Variants in NPAP1 observed in about 807,000 individuals in gnomAD.
NPAP1 encodes the protein nuclear pore associated protein 1, also known as nuclear pore-associated protein 1.
For synonymous variants in NPAP1, 616 were observed against 581.4 expected (o/e 1.06, Z -0.86); for missense variants, 1,483 against 1,454.5 (o/e 1.02, Z -0.32).
chr15:24,678,059 G>A lies in NPAP1; in HGVS notation c.2192G>A (p.Gly731Glu), dbSNP rs766667871. The A allele has an allele frequency of 6.2e-7, 1 of 1,613,910 alleles. No individual in the cohort carries two copies. Among genetic ancestry groups the A allele is most frequent in the Non-Finnish European group, 8.5e-7 (1 of 1,180,010 alleles). ...TTTTACCTGGGGCTTCCTGGTTCTG[G>A]GAACACACAACCCAGCGGCAACACT... ...LPFYLGLPGSGNTQPSGNTAS... is the reference protein window; with the variant it reads ...LPFYLGLPGSENTQPSGNTAS... The change falls in exon 1 of 1, where the codon GGG (glycine) becomes GAG (glutamate). Residue 731 changes from glycine to glutamate, a missense_variant. By Grantham distance (98) the Gly-to-Glu change is moderately conservative. Coordinates refer to ENST00000329468, the MANE Select transcript of NPAP1 (RefSeq NM_018958.3).
chr15:24,676,849 A>G lies in NPAP1; in HGVS notation c.982A>G (p.Arg328Gly), dbSNP rs2141308944. Residue 328 changes from arginine to glycine, a missense_variant, in exon 1 of 1, where the codon AGG (arginine) becomes GGG (glycine). Arg to Gly is a moderately radical substitution (Grantham distance 125). Coordinates refer to ENST00000329468, the MANE Select transcript of NPAP1 (RefSeq NM_018958.3). ...AGCTGCCCGCAACAGGCCCTGCAAA[A>G]GGAAAATGTCGATTCCATTGCTGCT... is the stretch of plus-strand genomic sequence containing the variant. ...PRAARNRPCK[R>G]KMSIPLLLPL... 6.2e-7 allele frequency: 1 copy of G among 1,613,250 alleles called. No individual in the cohort carries two copies. The highest frequency in any genetic ancestry group is 8.5e-7 in the Non-Finnish European group (1 of 1,180,028).
In NPAP1 at chr15:24,676,804, A is replaced by C; in HGVS notation, c.937A>C (p.Arg313=). 1 of 1,613,202 alleles carries C rather than the reference A, an allele frequency of 6.2e-7. No homozygotes were observed. Among genetic ancestry groups the C allele is most frequent in the Non-Finnish European group, 8.5e-7 (1 of 1,179,990 alleles). The change falls in exon 1 of 1, where the codon AGG becomes CGG. Residue 313 remains arginine, a synonymous_variant. Coordinates refer to ENST00000329468, the MANE Select transcript of NPAP1 (RefSeq NM_018958.3). ...PDEKPFCIPP[R]SAAPPRAARN... Reference sequence around the variant, plus strand: ...TGAGAAGCCTTTCTGTATTCCTCCAAGGAGCGCTGCTCCTCCCAGAGCTGC... The same window carrying C: ...TGAGAAGCCTTTCTGTATTCCTCCACGGAGCGCTGCTCCTCCCAGAGCTGC...
rs2048970669 is a variant in NPAP1, at chr15:24,675,793, AGAG to A, written c.-70_-68del. The stretch of plus-strand genomic sequence containing the variant: ...GCCAGTCAGTTTGTGCTTGGTCGCC[AGAG>A]GAGGCGGTGGCTGAGGAGAGTTGAG... On this transcript the variant is annotated 5_prime_UTR_variant, in exon 1 of 1. Coordinates refer to ENST00000329468, the MANE Select transcript of NPAP1 (RefSeq NM_018958.3). The A allele has an allele frequency of 1.8e-6, 2 of 1,088,978 alleles. No homozygotes were observed. The highest frequency in any genetic ancestry group is 3.6e-5 in the Admixed American group (1 of 27,890). 67.5% of individuals were successfully genotyped at this position (1,088,978 alleles called of 1,614,324 possible).
In NPAP1 at chr15:24,678,376, C is replaced by A. The variant is rs1163118772; in HGVS notation, c.2509C>A (p.Gln837Lys). Residue 837 changes from glutamine (Q) to lysine (K), a missense_variant, in exon 1 of 1, where the codon CAG becomes AAG. By Grantham distance (53) the Gln-to-Lys change is moderately conservative. Coordinates refer to ENST00000329468, the MANE Select transcript of NPAP1 (RefSeq NM_018958.3). ...TTPPSKTVIL[Q>K]STFVSRKEEY... is the part of the protein sequence containing the mutation. ...CCCTCCTTCCAAAACTGTCATCTTG[C>A]AGTCTACCTTTGTCTCCAGGAAGGA... The A allele has an allele frequency of 1.9e-6, 3 of 1,614,000 alleles. No individual in the cohort carries two copies. Among genetic ancestry groups the A allele is most frequent in the Non-Finnish European group, 2.5e-6 (3 of 1,180,006 alleles).
rs776968347 is a variant in NPAP1, at chr15:24,677,327, T to A, written c.1460T>A (p.Val487Asp). The change falls in exon 1 of 1, where the codon GTC becomes GAC. Residue 487 changes from valine (V) to aspartate (D), a missense_variant. Transcript: ENST00000329468. ...SNEKGGSYNS[V>D]VGAAPLTSDP... is the part of the protein sequence containing the mutation. ...GAGAAAGGAGGCTCTTATAATTCAG[T>A]CGTAGGAGCAGCGCCTCTCACTTCT... The A allele has an allele frequency of 5.0e-6, 8 of 1,614,134 alleles. No homozygotes were observed. Among genetic ancestry groups the A allele is most frequent in the Non-Finnish European group, 6.8e-6 (8 of 1,180,014 alleles).
chr15:24,677,708 C>A lies in NPAP1; in HGVS notation c.1841C>A (p.Pro614Gln), dbSNP rs777875615. ...CATTGCAGTGCAGAGCAGAGGCACCCGGGAAAGACATCAGTCTACACATCC... is the reference window on the plus strand; with the variant it reads ...CATTGCAGTGCAGAGCAGAGGCACCAGGGAAAGACATCAGTCTACACATCC... ...QIHCSAEQRH[P>Q]GKTSVYTSPL... Residue 614 changes from proline (P) to glutamine (Q), a missense_variant, in exon 1 of 1, where the codon CCG becomes CAG. Transcript: ENST00000329468. 1.9e-6 allele frequency: 3 copies of A among 1,614,042 alleles called. No homozygotes were observed. The highest frequency in any genetic ancestry group is 1.3e-5 in the African/African-American group (1 of 74,928).
rs149605047 is a variant in NPAP1 at position 24,682,469 on chromosome 15, T to C, written c.*3131T>C. The C allele has an allele frequency of 2.6e-4, 44 of 167,050 alleles. 1 individual carries two copies. Among genetic ancestry groups the C allele is most frequent in the African/African-American group, 1.0e-3 (42 of 41,592 alleles). The allele number at this position is 167,050 out of a possible 1,614,324, so 10.3% of individuals were successfully genotyped here. A position where few individuals can be genotyped will look rare whatever the true frequency, so the allele number is the denominator to read the frequency against. ...GATACAAAGATAATTTTTGTTTTCA[T>C]GTTTTGATGCACTTACACAACTGAA... On this transcript the variant is annotated 3_prime_UTR_variant, in exon 1 of 1. Coordinates refer to ENST00000329468, the MANE Select transcript of NPAP1 (RefSeq NM_018958.3).
In NPAP1 at chr15:24,675,889, T is replaced by C. The variant is rs2048971178; in HGVS notation, c.22T>C (p.Phe8Leu). Residue 8 changes from phenylalanine (F) to leucine (L), a missense_variant, in exon 1 of 1, where the codon TTT becomes CTT. Physicochemically the swap from Phe to Leu is conservative, Grantham distance 22 (BLOSUM62 0). Coordinates refer to ENST00000329468, the MANE Select transcript of NPAP1 (RefSeq NM_018958.3). MGNLLSK[F>L]RPGCRRRPLP... is the part of the protein sequence containing the mutation. ...CTAAATGGGCAATTTACTTAGTAAA[T>C]TTAGACCCGGGTGCCGCCGCCGGCC... 1 of 1,574,726 alleles carries C rather than the reference T, an allele frequency of 6.4e-7. No individual in the cohort carries two copies. Among genetic ancestry groups the C allele is most frequent in the Non-Finnish European group, 8.6e-7 (1 of 1,163,598 alleles).
rs542352064 is a variant in NPAP1 at position 24,680,222 on chromosome 15, C to G, written c.*884C>G. 17 of 164,714 alleles carry G rather than the reference C, an allele frequency of 1.0e-4. No homozygotes were observed. In the Admixed American group the frequency reaches 1.0e-3, roughly 10 times the overall value. The allele number at this position is 164,714 out of a possible 1,614,324, so 10.2% of individuals were successfully genotyped here. On this transcript the variant is annotated 3_prime_UTR_variant, in exon 1 of 1. Coordinates refer to ENST00000329468, the MANE Select transcript of NPAP1 (RefSeq NM_018958.3). ...TATTGGCCAGGCTGGTCTCAAACTC[C>G]TGACCTCAGGTGATCCACCCACCTC...
In NPAP1 at chr15:24,676,029, C is replaced by A. The variant is rs778409056; in HGVS notation, c.162C>A (p.Asn54Lys). The A allele has an allele frequency of 6.3e-7, 1 of 1,597,140 alleles. No homozygotes were observed. Among genetic ancestry groups the A allele is most frequent in the African/African-American group, 1.4e-5 (1 of 73,608 alleles). The change falls in exon 1 of 1, where the codon AAC (asparagine) becomes AAA (lysine). Residue 54 changes from asparagine (N) to lysine (K), a missense_variant. Coordinates refer to ENST00000329468, the MANE Select transcript of NPAP1 (RefSeq NM_018958.3). ...CTTTCCGCGGCCTGTTCCGCCGGAA[C>A]GCCCGTCGCAGGCCTTCAGCAGCCA... is the stretch of plus-strand genomic sequence containing the variant. ...PRPFRGLFRRNARRRPSAASI... is the reference protein window; with the variant it reads ...PRPFRGLFRRKARRRPSAASI...
Position 24,677,124 on chromosome 15 carries a change from G to A in NPAP1, c.1257G>A (p.Gln419=). ...TGCCCCTGACCACTTACACTTCCCA[G>A]GTCTCAGCTCCTTTGCCCATCCCTG... ...DSLPLTTYTS[Q]VSAPLPIPDL... The change falls in exon 1 of 1, where the codon CAG becomes CAA. Residue 419 remains glutamine (Q), a synonymous_variant. Coordinates refer to ENST00000329468, the MANE Select transcript of NPAP1 (RefSeq NM_018958.3). The A allele has an allele frequency of 1.4e-5, 23 of 1,614,034 alleles. No individual in the cohort carries two copies. Among genetic ancestry groups the A allele is most frequent in the Non-Finnish European group, 1.9e-5 (23 of 1,180,006 alleles).
chr15:24,679,384 A>G lies in NPAP1; in HGVS notation c.*46A>G, dbSNP rs1457403723. The G allele has an allele frequency of 3.0e-6, 4 of 1,328,596 alleles. No homozygotes were observed. Among genetic ancestry groups the G allele is most frequent in the Non-Finnish European group, 4.3e-6 (4 of 936,338 alleles). 82.3% of individuals were successfully genotyped at this position (1,328,596 alleles called of 1,614,324 possible). On this transcript the variant is annotated 3_prime_UTR_variant, in exon 1 of 1. Coordinates refer to ENST00000329468, the MANE Select transcript of NPAP1 (RefSeq NM_018958.3). ...ATCACACCACATCAGTTGTGGTTGT[A>G]AATACCAGCATTATCCTTTTGTATG... is the stretch of plus-strand genomic sequence containing the variant.
At position 24,678,377 on chromosome 15, in the gene NPAP1, A is replaced by C; in HGVS notation, c.2510A>C (p.Gln837Pro). The change falls in exon 1 of 1, where the codon CAG becomes CCG. Residue 837 changes from glutamine (Q) to proline (P), a missense_variant. By Grantham distance (76) the Gln-to-Pro change is moderately conservative. Coordinates refer to ENST00000329468, the MANE Select transcript of NPAP1 (RefSeq NM_018958.3). ...CCTCCTTCCAAAACTGTCATCTTGC[A>C]GTCTACCTTTGTCTCCAGGAAGGAG... ...TTPPSKTVIL[Q>P]STFVSRKEEY... is the part of the protein sequence containing the mutation. 1 of 1,613,900 alleles carries C rather than the reference A, an allele frequency of 6.2e-7. No homozygotes were observed. The highest frequency in any genetic ancestry group is 8.5e-7 in the Non-Finnish European group (1 of 1,179,992).
rs766223322 is a variant in NPAP1, at chr15:24,676,556, C to T, written c.689C>T (p.Ala230Val). 3 of 1,614,058 alleles carry T rather than the reference C, an allele frequency of 1.9e-6. No homozygotes were observed. The highest frequency in any genetic ancestry group is 1.7e-5 in the Admixed American group (1 of 60,028). Residue 230 changes from alanine to valine, a missense_variant, in exon 1 of 1, where the codon GCG (alanine) becomes GTG (valine). Coordinates refer to ENST00000329468, the MANE Select transcript of NPAP1 (RefSeq NM_018958.3). ...AGTGAGAAGGCCCAGGCGTCTCCAGCGAGCTCCTGCTTGGAAGGCCCTGCC... is the reference window on the plus strand; with the variant it reads ...AGTGAGAAGGCCCAGGCGTCTCCAGTGAGCTCCTGCTTGGAAGGCCCTGCC... ...SMSEKAQASP[A>V]SSCLEGPAMP... is the part of the protein sequence containing the mutation.
Position 24,679,265 on chromosome 15 carries a change from T to G in NPAP1, c.3398T>G (p.Phe1133Cys), listed in dbSNP as rs140749268. 1.2e-4 allele frequency: 198 copies of G among 1,613,950 alleles called. No homozygotes were observed. In the Middle Eastern group the frequency reaches 1.5e-3, roughly 12 times the overall value. ...CAGCACACATGGACAGAGAGAAAAT[T>G]CTACACTTCAAGCACCCACTACTAT... ...ILQHTWTERK[F>C]YTSSTHYYGQ... The change falls in exon 1 of 1, where the codon TTC becomes TGC. Residue 1133 changes from phenylalanine (F) to cysteine (C), a missense_variant. Physicochemically the swap from Phe to Cys is radical, Grantham distance 205 (BLOSUM62 -2). Coordinates refer to ENST00000329468, the MANE Select transcript of NPAP1 (RefSeq NM_018958.3).
Position 24,677,733 on chromosome 15 carries a change from C to T in NPAP1, c.1866C>T (p.Ser622=), listed in dbSNP as rs769667622. 1 of 1,614,154 alleles carries T rather than the reference C, an allele frequency of 6.2e-7. No individual in the cohort carries two copies. The highest frequency in any genetic ancestry group is 8.5e-7 in the Non-Finnish European group (1 of 1,180,050). Residue 622 remains serine, a synonymous_variant, in exon 1 of 1, where the codon TCC becomes TCT. Transcript: ENST00000329468. ...RHPGKTSVYT[S]PLPFIFHNTT... is the part of the protein sequence containing the mutation. ...CGGGAAAGACATCAGTCTACACATC[C>T]CCACTTCCATTTATATTCCACAATA... is the stretch of plus-strand genomic sequence containing the variant.
At position 24,679,400 on chromosome 15, in the gene NPAP1, C is replaced by A; in HGVS notation, c.*62C>A. 1 of 1,200,508 alleles carries A rather than the reference C, an allele frequency of 8.3e-7. No individual in the cohort carries two copies. The highest frequency in any genetic ancestry group is 1.2e-6 in the Non-Finnish European group (1 of 826,062). 74.4% of individuals were successfully genotyped at this position (1,200,508 alleles called of 1,614,324 possible). A position where few individuals can be genotyped will look rare whatever the true frequency, so the allele number is the denominator to read the frequency against. The stretch of plus-strand genomic sequence containing the variant: ...TGTGGTTGTAAATACCAGCATTATC[C>A]TTTTGTATGGTCATGCTTCTAGTTT... On this transcript the variant is annotated 3_prime_UTR_variant, in exon 1 of 1. Coordinates refer to ENST00000329468, the MANE Select transcript of NPAP1 (RefSeq NM_018958.3).
Position 24,677,395 on chromosome 15 carries a change from C to G in NPAP1, c.1528C>G (p.Pro510Ala), listed in dbSNP as rs2141310270. 1 of 1,614,112 alleles carries G rather than the reference C, an allele frequency of 6.2e-7. No homozygotes were observed. Residue 510 changes from proline (P) to alanine (A), a missense_variant, in exon 1 of 1, where the codon CCC (proline) becomes GCC (alanine). Coordinates refer to ENST00000329468, the MANE Select transcript of NPAP1 (RefSeq NM_018958.3). ...TAGCTCCACACCCTCCTTCAAGCCT[C>G]CCGTCACAAGGGAGTCCCCAATATC... The part of the protein sequence containing the change: ...PPSSTPSFKP[P>A]VTRESPISMC...
In NPAP1 at chr15:24,679,380, T is replaced by TG; in HGVS notation, c.*42_*43insG. Reference sequence around the variant, plus strand: ...CCTGATCACACCACATCAGTTGTGGTTGTAAATACCAGCATTATCCTTTTG... The same window carrying TG: ...CCTGATCACACCACATCAGTTGTGGTGTGTAAATACCAGCATTATCCTTTTG... On this transcript the variant is annotated 3_prime_UTR_variant, in exon 1 of 1. Coordinates refer to ENST00000329468, the MANE Select transcript of NPAP1 (RefSeq NM_018958.3). The TG allele has an allele frequency of 4.3e-6, 6 of 1,386,462 alleles. No individual in the cohort carries two copies. Among genetic ancestry groups the TG allele is most frequent in the Non-Finnish European group, 6.1e-6 (6 of 987,610 alleles). 85.9% of individuals were successfully genotyped at this position (1,386,462 alleles called of 1,614,324 possible). A position where few individuals can be genotyped will look rare whatever the true frequency, so the allele number is the denominator to read the frequency against.
Sources: gnomAD v4.1 joint callset for allele counts on GRCh38, gnomAD v4.1.1 for gene constraint, MANE v1.5 for transcripts, NCBI Gene and HGNC (gene_info 2026-07-23, HGNC 2026-07-21) for gene names.